The following HBS1L variants were observed in gnomAD, a reference collection of about 807,000 sequenced individuals.
The protein encoded by HBS1L is HBS1 like translational GTPase.
In HBS1L, 55 loss-of-function variants were observed where a neutral mutation model predicts 88.9. The observed-to-expected ratio is 0.62, with a 90% CI of 0.50 to 0.77. The LOEUF (loss-of-function observed/expected upper bound fraction) is 0.77. HBS1L is among the 30% of genes least tolerant of loss of function. The probability of loss-of-function intolerance (pLI) is 0.00; values close to 1 mark genes in which losing one functional copy is unlikely to be tolerated. For synonymous variants in HBS1L, 267 were observed against 288.5 expected (o/e 0.93, Z 0.76); for missense variants, 741 against 829.3 (o/e 0.89, Z 1.31).
At chr6:135,033,175 A>G (rs577758026) in intron 4 of HBS1L, among the ~76,000 whole-genome samples, 40 of 152,334 alleles carry the variant, frequency 2.6e-4, no homozygotes, top group African/African-American at 8.4e-4. Context: ...TTCTATTTCT[A>G]AAGTAAATTA....
intron 5 of HBS1L, among the ~76,000 whole-genome samples, chr6:135,002,257 G>T (rs962434679): frequency 6.6e-6 from 1 of 152,046 alleles, no homozygotes; most frequent in Non-Finnish European, 1.5e-5. Context: ...CATATCATAT[G>T]TCTTTGCTAC....
In HBS1L at chr6:134,982,588, G is replaced by A. The variant is rs765803919; in HGVS notation, c.1493-26C>T. On this transcript the variant is annotated intron_variant, in intron 12 of 17. Coordinates refer to ENST00000367837, the MANE Select transcript of HBS1L (RefSeq NM_006620.4). ...CTGCAAAACATACCAAAATCTTATGGTTCATACAGCAATGTTATCTGATGA... is the reference window on the plus strand; with the variant it reads ...CTGCAAAACATACCAAAATCTTATGATTCATACAGCAATGTTATCTGATGA... 9 of 1,317,174 alleles carry A rather than the reference G, an allele frequency of 6.8e-6. 1 individual carries two copies. In the East Asian group the frequency reaches 2.1e-4, roughly 30 times the overall value. The allele number at this position is 1,317,174 out of a possible 1,614,324, so 81.6% of individuals were successfully genotyped here.
rs752295589 is a variant in HBS1L at position 134,987,790 on chromosome 6, G to A, written c.1085C>T (p.Ala362Val). 12 of 1,567,882 alleles carry A rather than the reference G, an allele frequency of 7.7e-6. No individual in the cohort carries two copies. The highest frequency in any genetic ancestry group is 3.9e-5 in the Admixed American group (2 of 50,846). The change falls in exon 9 of 18, where the codon GCG (alanine) becomes GTG (valine). Residue 362 changes from alanine to valine, a missense_variant and splice_region_variant. Physicochemically the swap from Ala to Val is moderately conservative, Grantham distance 64. Transcript: ENST00000367837. Reference sequence around the variant, plus strand: ...ATCTACAACTAAAACAGCTACATCCGCCTAAAGAAGAAAAATAATCGAAGC... The same window carrying A: ...ATCTACAACTAAAACAGCTACATCCACCTAAAGAAGAAAAATAATCGAAGC... ...IPNMITGAAQ[A>V]DVAVLVVDAS...
At chr6:134,995,176 G>A (rs1004363159) in intron 7 of HBS1L, among the ~76,000 whole-genome samples, 5 of 152,068 alleles carry the variant, frequency 3.3e-5, no homozygotes, top group African/African-American at 1.2e-4. Context: ...GGTATACTCT[G>A]CTGACACAGC....
At chr6:135,001,037 C>T (rs1216464814) in intron 5 of HBS1L, among the ~76,000 whole-genome samples, 2 of 151,986 alleles carry the variant, frequency 1.3e-5, no homozygotes, top group African/African-American at 4.8e-5. Flanking sequence ...AACTACAGAC[C>T]TTTCACATTC....
At chr6:135,037,830 A>C in intron 4 of HBS1L, 1 of 1,545,824 alleles carries the variant, frequency 6.5e-7, no homozygotes, top group South Asian at 1.2e-5. Context: ...GTTTCTTTTC[A>C]CTTTTACGTG....
At chr6:135,002,481 T>C (rs939890540) in intron 5 of HBS1L, 1 of 250,330 alleles carries the variant, frequency 4.0e-6, no homozygotes, top group African/African-American at 2.2e-5. Flanking sequence ...TTTTTTATGT[T>C]AAAGTAGCTA....
chr6:135,042,376 C>A (rs550799596), intron 2 of HBS1L, among the ~76,000 whole-genome samples: 1 of 152,290 alleles, frequency 6.6e-6, no homozygotes, highest in Admixed American at 6.5e-5. Flanking sequence ...CCATTCCACT[C>A]AGCCTACTTT....
In HBS1L at chr6:135,041,355, C is replaced by CTTTT. The variant is rs1163233159; in HGVS notation, c.235+642_235+645dup. Among the ~76,000 whole-genome samples the CTTTT allele has an allele frequency of 2.0e-5, 3 of 151,216 alleles. No individual in the cohort carries two copies. In the East Asian group the frequency reaches 5.8e-4, roughly 29 times the overall value. ...TAGCTAGCTAGCATCAGGGCCTCCT[C>CTTTT]TTTTTTATTTATTTATTTATTTATA... On this transcript the variant is annotated intron_variant, in intron 3 of 17. Transcript: ENST00000367837.
chr6:134,975,515 G>A (rs1774617567), intron 15 of HBS1L, among the ~76,000 whole-genome samples: 1 of 152,040 alleles, frequency 6.6e-6, no homozygotes, highest in South Asian at 2.1e-4. Context: ...TTATACTACA[G>A]GCTATAATAA....
chr6:134,978,025 C>T (rs972639096), intron 15 of HBS1L, among the ~76,000 whole-genome samples: 1 of 151,930 alleles, frequency 6.6e-6, no homozygotes, highest in Non-Finnish European at 1.5e-5. Context: ...GCTGGCAAAC[C>T]AACCTTACAA....
At chr6:134,977,924 C>T (rs1774697740) in intron 15 of HBS1L, among the ~76,000 whole-genome samples, 1 of 151,954 alleles carries the variant, frequency 6.6e-6, no homozygotes. Context: ...AACAAAAAAT[C>T]CAGACTATTC....
chr6:135,007,886 A>C (rs1164998931), intron 4 of HBS1L, among the ~76,000 whole-genome samples: 1 of 152,230 alleles, frequency 6.6e-6, no homozygotes, highest in African/African-American at 2.4e-5. Flanking sequence ...GATGAAAAAG[A>C]AGGAAGCTTT....
chr6:134,963,172 C>G lies in HBS1L; in HGVS notation c.*2107G>C, dbSNP rs1774224809. 6.6e-6 allele frequency: 1 copy of G among 152,182 alleles called. No homozygotes were observed. Among genetic ancestry groups the G allele is most frequent in the African/African-American group, 2.4e-5 (1 of 41,448 alleles). The allele number at this position is 152,182 out of a possible 1,614,324, so 9.4% of individuals were successfully genotyped here. ...TCCATTTCCCCTTCCTAACAGCACC[C>G]TGAATTTCCAACCCTCACACAACTG... On this transcript the variant is annotated 3_prime_UTR_variant, in exon 18 of 18. Transcript: ENST00000367837.
rs146948725 is a variant in HBS1L, at chr6:134,998,645, T to C, written c.540-989A>G. Among the ~76,000 whole-genome samples the C allele has an allele frequency of 6.7e-3, 1,026 of 152,350 alleles. 10 individuals carry two copies. The highest frequency in any genetic ancestry group is 0.02 in the African/African-American group (851 of 41,574). ...TTAAGATTGTAGCATGATGGATATG[T>C]GTAAGCACATCTATTTTCTTCTTGC... On this transcript the variant is annotated intron_variant, in intron 5 of 17. Transcript: ENST00000367837.
intron 2 of HBS1L, among the ~76,000 whole-genome samples, chr6:135,049,370 T>C (rs1431085366): frequency 6.6e-6 from 1 of 152,096 alleles, no homozygotes; most frequent in Non-Finnish European, 1.5e-5. Flanking sequence ...CCCCACCTCC[T>C]AATACCATCA....
At position 134,962,933 on chromosome 6, in the gene HBS1L, A is replaced by C. The variant is rs1381812846; in HGVS notation, c.*2346T>G. On this transcript the variant is annotated 3_prime_UTR_variant, in exon 18 of 18. Coordinates refer to ENST00000367837, the MANE Select transcript of HBS1L (RefSeq NM_006620.4). Reference sequence around the variant, plus strand: ...AGTGGATCCTCGAAATAATATCACCACTCCTTTCAACCACAATCAATCATC... The same window carrying C: ...AGTGGATCCTCGAAATAATATCACCCCTCCTTTCAACCACAATCAATCATC... 1 of 152,036 alleles carries C rather than the reference A, an allele frequency of 6.6e-6. No individual in the cohort carries two copies. The highest frequency in any genetic ancestry group is 6.6e-5 in the Admixed American group (1 of 15,256). 9.4% of individuals were successfully genotyped at this position (152,036 alleles called of 1,614,324 possible). A position where few individuals can be genotyped will look rare whatever the true frequency, so the allele number is the denominator to read the frequency against.
chr6:135,025,298 A>T (rs973581626), intron 4 of HBS1L, among the ~76,000 whole-genome samples: 2 of 152,222 alleles, frequency 1.3e-5, no homozygotes, highest in African/African-American at 2.4e-5. Context: ...CATGAGAAAC[A>T]TAGGACTCCA....
chr6:134,996,873 C>T lies in HBS1L; in HGVS notation c.869G>A (p.Arg290Lys). ...MLYLLGNINKRTMHKYEQESK... is the reference protein window; with the variant it reads ...MLYLLGNINKKTMHKYEQESK... Reference sequence around the variant, plus strand: ...CTCCTGTTCATACTTATGCATAGTTCTTTTGTTTATATTACCCAGAAGATA... The same window carrying T: ...CTCCTGTTCATACTTATGCATAGTTTTTTTGTTTATATTACCCAGAAGATA... Residue 290 changes from arginine to lysine, a missense_variant, in exon 7 of 18, where the codon AGA becomes AAA. Physicochemically the swap from Arg to Lys is conservative, Grantham distance 26. Transcript: ENST00000367837. 1 of 1,611,104 alleles carries T rather than the reference C, an allele frequency of 6.2e-7. No homozygotes were observed. The highest frequency in any genetic ancestry group is 8.5e-7 in the Non-Finnish European group (1 of 1,178,780).
Sources: gnomAD v4.1 joint callset for allele counts (sites outside exome capture counted in the v4.1 genomes callset) on GRCh38, gnomAD v4.1.1 for gene constraint, MANE v1.5 for transcripts, NCBI Gene and HGNC (gene_info 2026-07-23, HGNC 2026-07-21) for gene names.